Variants in TMEM63A observed in about 807,000 individuals in gnomAD.
The protein encoded by TMEM63A is transmembrane protein 63A.
In TMEM63A, 76 loss-of-function variants were observed where a neutral mutation model predicts 100.6. The observed-to-expected ratio is 0.76, with a 90% CI of 0.63 to 0.91. TMEM63A has a LOEUF of 0.91. TMEM63A is among the 40% of genes least tolerant of loss of function. The probability of loss-of-function intolerance (pLI) is 0.00; values close to 1 mark genes in which losing one functional copy is unlikely to be tolerated. For missense variants in TMEM63A, 876 were observed against 1,008.8 expected (o/e 0.87, Z 1.78); for synonymous variants, 401 against 401.1 (o/e 1.00, Z 0.00).
intron 18 of TMEM63A, 78 bp downstream of exon 18, chr1:225,855,800 C>T: frequency 2.7e-6 from 4 of 1,457,644 alleles, no homozygotes; most frequent in Non-Finnish European, 3.8e-6. Context: ...CCGCCCCCAC[C>T]CATCCCACTG....
At chr1:225,878,885 T>TACCTACACACAC (rs1491107467) in intron 2 of TMEM63A, among the ~76,000 whole-genome samples, 2 of 139,520 alleles carry the variant, frequency 1.4e-5, no homozygotes, top group African/African-American at 5.5e-5. Context: ...CCTACCTACC[T>TACCTACACACAC]ACACACACAC....
chr1:225,870,005 T>C (rs889705740), intron 6 of TMEM63A, among the ~76,000 whole-genome samples: 1 of 152,092 alleles, frequency 6.6e-6, no homozygotes, highest in African/African-American at 2.4e-5. Context: ...TCGTTATAGT[T>C]GATGGTAGCT....
rs1669971269 is a variant in TMEM63A, at chr1:225,862,143, T to A, written c.1085+75A>T. ...GGTGGGTCAGCAGTACCATCTCCACTCGAGAGGGACAGTGAGTTATCTGGA... is the reference window on the plus strand; with the variant it reads ...GGTGGGTCAGCAGTACCATCTCCACACGAGAGGGACAGTGAGTTATCTGGA... On this transcript the variant is annotated intron_variant, in intron 13 of 24. Transcript: ENST00000366835. This position sits in a 1 kb window ranked among gnomAD's most constrained non-coding sequence, Gnocchi z 5.1. The A allele has an allele frequency of 1.3e-6, 2 of 1,583,934 alleles. No individual in the cohort carries two copies. Among genetic ancestry groups the A allele is most frequent in the African/African-American group, 2.7e-5 (2 of 74,338 alleles).
downstream of TMEM63A, among the ~76,000 whole-genome samples, chr1:225,843,277 A>G (rs1229327644): frequency 6.6e-6 from 1 of 152,180 alleles, no homozygotes; most frequent in Admixed American, 6.5e-5. Context: ...GCCTTGGAGG[A>G]TAAGTAGGAG....
intron 3 of TMEM63A, 106 bp from the exon 4 acceptor site, chr1:225,874,473 G>T: frequency 2.2e-6 from 2 of 922,528 alleles, no homozygotes; most frequent in Non-Finnish European, 3.3e-6. Context: ...AGCAGGGCTA[G>T]AAGGAAAACA....
At chr1:225,847,007 C>T (rs200511891) in intron 24 of TMEM63A, 27 bp downstream of exon 24, 20 of 1,589,292 alleles carry the variant, frequency 1.3e-5, no homozygotes, top group South Asian at 2.3e-5. Context: ...ACAGGCTCCC[C>T]TGAGCCTGGC....
intron 13 of TMEM63A, 117 bp from the exon 14 acceptor site, chr1:225,861,114 T>C: frequency 1.7e-6 from 2 of 1,205,674 alleles, no homozygotes; most frequent in East Asian, 2.5e-5. Context: ...TGCTTTGTTG[T>C]GATTAGTGTA....
rs746307131 is a variant in TMEM63A, at chr1:225,865,882, A to C, written c.746+15T>G. Reference sequence around the variant, plus strand: ...GTGGAGGGGGCTCAGCTCCCCTCCCACCCCACCTGCTTACCGGAAGTGGCT... The same window carrying C: ...GTGGAGGGGGCTCAGCTCCCCTCCCCCCCCACCTGCTTACCGGAAGTGGCT... On this transcript the variant is annotated intron_variant, in intron 10 of 24. Coordinates refer to ENST00000366835, the MANE Select transcript of TMEM63A (RefSeq NM_014698.3). This position sits in a 1 kb window ranked among gnomAD's most constrained non-coding sequence, Gnocchi z 4.6. The C allele has an allele frequency of 4.7e-5, 75 of 1,612,144 alleles. No homozygotes were observed. Among genetic ancestry groups the C allele is most frequent in the Non-Finnish European group, 5.9e-5 (70 of 1,179,394 alleles).
rs542113403 is a variant in TMEM63A at position 225,866,448 on chromosome 1, G to T, written c.675+126C>A. ...CAAGTGTGAGCAAGAATAAGCAAGCGGGGCTCCTGAGGCCCTCCCAGAGCT... is the reference window on the plus strand; with the variant it reads ...CAAGTGTGAGCAAGAATAAGCAAGCTGGGCTCCTGAGGCCCTCCCAGAGCT... On this transcript the variant is annotated intron_variant, in intron 9 of 24. Coordinates refer to ENST00000366835, the MANE Select transcript of TMEM63A (RefSeq NM_014698.3). 8.2e-6 allele frequency: 6 copies of T among 729,414 alleles called. No homozygotes were observed. In the African/African-American group the frequency reaches 1.1e-4, roughly 13 times the overall value. The allele number at this position is 729,414 out of a possible 1,614,324, so 45.2% of individuals were successfully genotyped here. A position where few individuals can be genotyped will look rare whatever the true frequency, so the allele number is the denominator to read the frequency against.
Position 225,871,986 on chromosome 1 carries a change from C to T in TMEM63A, c.333+1G>A. The T allele has an allele frequency of 6.2e-7, 1 of 1,612,626 alleles. No homozygotes were observed. Among genetic ancestry groups the T allele is most frequent in the Non-Finnish European group, 8.5e-7 (1 of 1,178,804 alleles). On this transcript the variant is annotated splice_donor_variant, in intron 5 of 24. Coordinates refer to ENST00000366835, the MANE Select transcript of TMEM63A (RefSeq NM_014698.3). LOFTEE classifies it high-confidence loss of function. ...ACCACAACTGGGCCTTAGATACCAACCAGCTCATTTTCAAAGTCTTGTTGA... is the reference window on the plus strand; with the variant it reads ...ACCACAACTGGGCCTTAGATACCAATCAGCTCATTTTCAAAGTCTTGTTGA...
In TMEM63A at chr1:225,860,994, G is replaced by A. The variant is rs779862567; in HGVS notation, c.1089C>T (p.Ile363=). The part of the protein sequence containing the change: ...TFQEKSMATY[I]LKDFNACKCQ... ...ACTTGCAGGCATTGAAATCTTTCAG[G>A]ATGCTGCAAGGAAATGTAGCAACAG... Residue 363 remains isoleucine (I), a synonymous_variant, in exon 14 of 25, where the codon ATC becomes ATT. Coordinates refer to ENST00000366835, the MANE Select transcript of TMEM63A (RefSeq NM_014698.3). 1.2e-6 allele frequency: 2 copies of A among 1,609,444 alleles called. No homozygotes were observed. The highest frequency in any genetic ancestry group is 1.7e-6 in the Non-Finnish European group (2 of 1,177,690).
At chr1:225,871,195 T>TGGTTATTTAATGTC in intron 5 of TMEM63A, 82 bp from the exon 6 acceptor site, 2 of 1,380,106 alleles carry the variant, frequency 1.4e-6, no homozygotes, top group Non-Finnish European at 2.0e-6. Flanking sequence ...TGACATTAAA[T>TGGTTATTTAATGTC]AACCATTTAA....
At chr1:225,848,873 G>A in intron 22 of TMEM63A, 24 bp downstream of exon 22, 1 of 1,542,998 alleles carries the variant, frequency 6.5e-7, no homozygotes, top group Non-Finnish European at 8.8e-7. Context: ...GGCTTGACCG[G>A]GCAGTGGGGT....
At position 225,877,956 on chromosome 1, in the gene TMEM63A, A is replaced by G. The variant is rs1052220667; in HGVS notation, c.-14-362T>C. ...TAGCCTCGAGGACTCGTGTTGGGAA[A>G]GTCACTCCTGCAGAAGCCACTGGCG... On this transcript the variant is annotated intron_variant, in intron 2 of 24. Coordinates refer to ENST00000366835, the MANE Select transcript of TMEM63A (RefSeq NM_014698.3). Among the ~76,000 whole-genome samples the G allele has an allele frequency of 3.3e-5, 5 of 152,216 alleles. 1 individual carries two copies. The highest frequency in any genetic ancestry group is 7.2e-5 in the African/African-American group (3 of 41,448).
chr1:225,876,460 C>T (rs1670807532), intron 3 of TMEM63A, among the ~76,000 whole-genome samples: 1 of 152,158 alleles, frequency 6.6e-6, no homozygotes, highest in Admixed American at 6.5e-5. Flanking sequence ...TCAAGAGGCA[C>T]TGGCCAGCCC....
rs116013256 is a variant in TMEM63A, at chr1:225,860,980, T to C, written c.1103A>G (p.Asn368Ser). ...SMATYILKDF[N>S]ACKCQSLQCK... ...CTGAAGGCTCTGACACTTGCAGGCA[T>C]TGAAATCTTTCAGGATGCTGCAAGG... The change falls in exon 14 of 25, where the codon AAT (asparagine) becomes AGT (serine). Residue 368 changes from asparagine (N) to serine (S), a missense_variant. Physicochemically the swap from Asn to Ser is conservative, Grantham distance 46. Coordinates refer to ENST00000366835, the MANE Select transcript of TMEM63A (RefSeq NM_014698.3). 8.5e-4 allele frequency: 1,363 copies of C among 1,611,220 alleles called. 16 individuals are homozygous for C. The East Asian group carries it at 0.024, about 29-fold the overall frequency.
At chr1:225,869,577 A>T (rs1317978926) in intron 6 of TMEM63A, among the ~76,000 whole-genome samples, 2 of 151,940 alleles carry the variant, frequency 1.3e-5, no homozygotes, top group Non-Finnish European at 2.9e-5. Flanking sequence ...GAGGCCCAGA[A>T]CATTTCATCC....
Position 225,869,666 on chromosome 1 carries a change from C to CTTTTCTTTTTTTT in TMEM63A, c.371+1409_371+1410insAAAAAAAAGAAAA, listed in dbSNP as rs76862516. Among the ~76,000 whole-genome samples, 160 of 109,736 alleles carry CTTTTCTTTTTTTT rather than the reference C, an allele frequency of 1.5e-3. 1 individual carries two copies. Among genetic ancestry groups the CTTTTCTTTTTTTT allele is most frequent in the Non-Finnish European group, 2.1e-3 (121 of 57,416 alleles). 72.0% of individuals were successfully genotyped at this position (109,736 alleles called of 152,430 possible). On this transcript the variant is annotated intron_variant, in intron 6 of 24. Transcript: ENST00000366835. ...ATCATTTTCATATTTCTTTTCTTTT[C>CTTTTCTTTTTTTT]TTTTTTTTTTTTTTTGAGACAGTTT...
downstream of TMEM63A, chr1:225,845,413 A>C: frequency 6.7e-7 from 1 of 1,486,176 alleles, no homozygotes; most frequent in African/African-American, 1.4e-5. Context: ...CTTGGGGAAG[A>C]TACCCCTTTT....
Sources: gnomAD v4.1 joint callset for allele counts (sites outside exome capture counted in the v4.1 genomes callset) on GRCh38, gnomAD v4.1.1 for gene constraint, Gnocchi (gnomAD v3.1) non-coding constraint, MANE v1.5 for transcripts, NCBI Gene and HGNC (gene_info 2026-07-23, HGNC 2026-07-21) for gene names.